The following ARHGAP10 variants were observed in gnomAD, a reference collection of about 807,000 sequenced individuals.
ARHGAP10 encodes Rho GTPase activating protein 10.
In ARHGAP10, 87 loss-of-function variants were observed where a neutral mutation model predicts 108.6. The ratio of observed to expected loss-of-function variants is 0.80; its 90% CI spans 0.67 to 0.96. ARHGAP10 has a LOEUF of 0.96. Ranked by LOEUF, ARHGAP10 falls within the 40% of genes least tolerant of loss-of-function variation. The pLI, the probability that ARHGAP10 is intolerant of heterozygous loss-of-function variation, is 0.00. For synonymous variants in ARHGAP10, 347 were observed against 341.1 expected (o/e 1.02, Z -0.19); for missense variants, 939 against 954.5 (o/e 0.98, Z 0.21).
chr4:148,028,958 T>C (rs1211402166), intron 19 of ARHGAP10, among the ~76,000 whole-genome samples: 1 of 152,218 alleles, frequency 6.6e-6, no homozygotes, highest in Non-Finnish European at 1.5e-5. Context: ...AGTTTTTTCC[T>C]TGCAGCTTAA....
At chr4:147,757,444 C>T (rs1435811197) in intron 1 of ARHGAP10, among the ~76,000 whole-genome samples, 3 of 152,144 alleles carry the variant, frequency 2.0e-5, no homozygotes, top group Non-Finnish European at 2.9e-5. Flanking sequence ...AATCTGCCCG[C>T]CTCGGCCTTC....
intron 19 of ARHGAP10, among the ~76,000 whole-genome samples, chr4:148,033,907 C>T (rs1307846440): frequency 6.6e-6 from 1 of 152,152 alleles, no homozygotes; most frequent in East Asian, 1.9e-4. Context: ...GTTGTCCCGG[C>T]GTTTTGGGGA....
In ARHGAP10 at chr4:147,857,626, C is replaced by CA; in HGVS notation, c.464dup (p.Lys156GlufsTer21). The CA allele has an allele frequency of 6.7e-7, 1 of 1,488,158 alleles. No homozygotes were observed. Among genetic ancestry groups the CA allele is most frequent in the Non-Finnish European group, 8.9e-7 (1 of 1,120,496 alleles). The allele number at this position is 1,488,158 out of a possible 1,614,324, so 92.2% of individuals were successfully genotyped here. ...ATTGATAAACATTTGAATTTATCAG[C>CA]AAAAAAGAAAGACTCACATTTACAA... On this transcript the variant is annotated frameshift_variant, in exon 5 of 23. Transcript: ENST00000336498. LOFTEE classifies it high-confidence loss of function.
intron 16 of ARHGAP10, among the ~76,000 whole-genome samples, chr4:147,959,386 A>G (rs1040558397): frequency 6.6e-6 from 1 of 152,112 alleles, no homozygotes; most frequent in East Asian, 1.9e-4. Context: ...TTAAAATTAT[A>G]CTCTAAGTTC....
At chr4:147,828,013 C>T (rs1732791022) in intron 3 of ARHGAP10, among the ~76,000 whole-genome samples, 1 of 152,122 alleles carries the variant, frequency 6.6e-6, no homozygotes, top group Non-Finnish European at 1.5e-5. Context: ...ACCATGTTGG[C>T]CAGATGATCT....
chr4:147,841,336 T>C (rs186035326), intron 3 of ARHGAP10, among the ~76,000 whole-genome samples: 67 of 152,382 alleles, frequency 4.4e-4, no homozygotes, highest in African/African-American at 1.5e-3. Context: ...ATGTAATCTG[T>C]ATGTGTGGTT....
At chr4:147,972,667 T>TA (rs1739455185) in intron 18 of ARHGAP10, among the ~76,000 whole-genome samples, 1 of 152,160 alleles carries the variant, frequency 6.6e-6, no homozygotes, top group Admixed American at 6.5e-5. Context: ...GGATGCCAGA[T>TA]ACGTCCCATG....
At position 147,794,608 on chromosome 4, in the gene ARHGAP10, T is replaced by G. The variant is rs535995566; in HGVS notation, c.155-28119T>G. ...CTAGTAGCAGATTTTTTGGGATTGG[T>G]TTTTGTGTTTTCTGGAAATTGAGTT... On this transcript the variant is annotated intron_variant, in intron 1 of 22. Coordinates refer to ENST00000336498, the MANE Select transcript of ARHGAP10 (RefSeq NM_024605.4). Among the ~76,000 whole-genome samples, 8 of 152,206 alleles carry G rather than the reference T, an allele frequency of 5.3e-5. No homozygotes were observed. The East Asian group carries it at 1.5e-3, about 29-fold the overall frequency.
chr4:147,792,966 C>T (rs1353882676), intron 1 of ARHGAP10, among the ~76,000 whole-genome samples: 1 of 152,036 alleles, frequency 6.6e-6, no homozygotes, highest in Non-Finnish European at 1.5e-5. Context: ...TGGTGAAACC[C>T]GTCTCCACTA....
chr4:148,064,345 G>A, intron 21 of ARHGAP10, 71 bp from the exon 22 acceptor site: 1 of 1,402,892 alleles, frequency 7.1e-7, no homozygotes, highest in Non-Finnish European at 9.9e-7. Context: ...GGGGAAGGGG[G>A]GTTGGGGGGT....
chr4:147,839,544 G>A (rs1332414230), intron 3 of ARHGAP10, among the ~76,000 whole-genome samples: 1 of 152,188 alleles, frequency 6.6e-6, no homozygotes, highest in Non-Finnish European at 1.5e-5. Context: ...TGAGACTTTA[G>A]AAAATTGTTA....
chr4:147,837,024 G>A (rs1390954586), intron 3 of ARHGAP10, among the ~76,000 whole-genome samples: 1 of 152,216 alleles, frequency 6.6e-6, no homozygotes, highest in Non-Finnish European at 1.5e-5. Flanking sequence ...TAGCGAAATC[G>A]ATTGTGAAAC....
At chr4:147,868,263 G>A (rs114460849) in intron 7 of ARHGAP10, among the ~76,000 whole-genome samples, 2,315 of 151,800 alleles carry the variant, frequency 0.015, 58 homozygotes, top group African/African-American at 0.051. Context: ...TTGAGACAGG[G>A]TGTCACTCTG....
At chr4:147,763,535 C>A (rs1318247069) in intron 1 of ARHGAP10, among the ~76,000 whole-genome samples, 1 of 152,056 alleles carries the variant, frequency 6.6e-6, no homozygotes, top group Non-Finnish European at 1.5e-5. Flanking sequence ...TGGTCTCGAT[C>A]TCCTGACCTT....
intron 16 of ARHGAP10, among the ~76,000 whole-genome samples, chr4:147,964,306 T>C (rs28594565): frequency 0.035 from 5,275 of 152,258 alleles, 293 homozygotes; most frequent in African/African-American, 0.11. Context: ...CAGCCGGTCC[T>C]CAACCTGCGC....
rs1032292856 is a variant in ARHGAP10 at position 147,966,850 on chromosome 4, T to A, written c.1716+11T>A. 14 of 1,557,000 alleles carry A rather than the reference T, an allele frequency of 9.0e-6. No homozygotes were observed. In the East Asian group the frequency reaches 1.4e-4, roughly 15 times the overall value. On this transcript the variant is annotated intron_variant, in intron 18 of 22. Transcript: ENST00000336498. Reference sequence around the variant, plus strand: ...GAAAACCATGAAAAGGTAAAATTTTTTTTTTCTTTAAGAGACTTTGTTTTC... The same window carrying A: ...GAAAACCATGAAAAGGTAAAATTTTATTTTTCTTTAAGAGACTTTGTTTTC...
intron 12 of ARHGAP10, among the ~76,000 whole-genome samples, chr4:147,910,635 T>C (rs1579189716): frequency 6.6e-6 from 1 of 152,180 alleles, no homozygotes; most frequent in African/African-American, 2.4e-5. Context: ...GCCACTGCTG[T>C]ACTTGAAGAA....
rs1178256407 is a variant in ARHGAP10, at chr4:147,798,724, ACTCTCTCTCTCTCTCT to A, written c.155-23960_155-23945del. ...TTACGTGAGGTCAGGAGTTTGAGAC[ACTCTCTCTCTCTCTCT>A]CTCTCTCTCTCTCTCTCTCTCTCTC... On this transcript the variant is annotated intron_variant, in intron 1 of 22. Transcript: ENST00000336498. Among the ~76,000 whole-genome samples the A allele has an allele frequency of 1.8e-3, 155 of 85,960 alleles. 1 individual carries two copies. Among genetic ancestry groups the A allele is most frequent in the African/African-American group, 3.7e-3 (53 of 14,424 alleles). The allele number at this position is 85,960 out of a possible 152,430, so 56.4% of individuals were successfully genotyped here. A position where few individuals can be genotyped will look rare whatever the true frequency, so the allele number is the denominator to read the frequency against.
At chr4:147,950,215 A>G (rs1449423477) in intron 15 of ARHGAP10, among the ~76,000 whole-genome samples, 1 of 152,144 alleles carries the variant, frequency 6.6e-6, no homozygotes, top group Non-Finnish European at 1.5e-5. Context: ...CCCCTATGTT[A>G]TTTTTAGCGA....
Sources: gnomAD v4.1 joint callset for allele counts (sites outside exome capture counted in the v4.1 genomes callset) on GRCh38, gnomAD v4.1.1 for gene constraint, MANE v1.5 for transcripts, NCBI Gene and HGNC (gene_info 2026-07-23, HGNC 2026-07-21) for gene names.